The following ERCC6L2 variants were observed in gnomAD, a reference collection of about 807,000 sequenced individuals.
ERCC6L2 encodes DNA excision repair protein ERCC-6-like 2.
ERCC6L2 carries 77 observed loss-of-function variants against 132.0 expected under a neutral mutation model. That is an observed-to-expected ratio of 0.58 (90% CI 0.49 to 0.71). The LOEUF (loss-of-function observed/expected upper bound fraction) is 0.71, where lower values mean the gene tolerates loss of function less well. ERCC6L2 is among the 30% of genes least tolerant of loss of function. The pLI is 0.00. For synonymous variants in ERCC6L2, 583 were observed against 632.4 expected, an observed-to-expected ratio of 0.92 and a Z score of 1.17; for missense variants, 1,542 against 1,837.6, an observed-to-expected ratio of 0.84 and a Z score of 2.94.
chr9:96,015,876 C>A lies in ERCC6L2; in HGVS notation c.*2673C>A, dbSNP rs1834175860. ...AGAACTGGAGTTTAAAAATTAGTTT[C>A]CAACAGTTGTCAGTGAAATATTTAT... On this transcript the variant is annotated 3_prime_UTR_variant, in exon 19 of 19. Coordinates refer to ENST00000653738, the MANE Select transcript of ERCC6L2 (RefSeq NM_020207.7). 6.6e-6 allele frequency among the ~76,000 whole-genome samples: 1 copy of A among 152,122 alleles called. No individual in the cohort carries two copies. The highest frequency in any genetic ancestry group is 2.4e-5 in the African/African-American group (1 of 41,426).
In ERCC6L2 at chr9:95,966,572, G is replaced by T. The variant is rs1301338852; in HGVS notation, c.1958G>T (p.Cys653Phe). The T allele has an allele frequency of 2.0e-6, 3 of 1,502,484 alleles. No homozygotes were observed. Among genetic ancestry groups the T allele is most frequent in the Non-Finnish European group, 2.7e-6 (3 of 1,108,556 alleles). 93.1% of individuals were successfully genotyped at this position (1,502,484 alleles called of 1,614,324 possible). A position where few individuals can be genotyped will look rare whatever the true frequency, so the allele number is the denominator to read the frequency against. Residue 653 changes from cysteine (C) to phenylalanine (F), a missense_variant, in exon 14 of 19, where the codon TGT becomes TTT. By Grantham distance (205) the Cys-to-Phe change is radical. This residue lies in a region of ERCC6L2 where 945 missense variants were observed against 1,105.2 expected (regional missense o/e 0.86). Transcript: ENST00000653738. ...LRQIYKQQLH[C>F]VVVGSENAKR... ...TTTTTTCTGTTTTAGCAACTTCACT[G>T]TGTGGTGGTTGGAAGTGAAAATGCC...
At chr9:95,941,378 C>T in intron 11 of ERCC6L2, 76 bp from the exon 12 acceptor site, 1 of 1,054,114 alleles carries the variant, frequency 9.5e-7, no homozygotes, top group Non-Finnish European at 1.4e-6. Context: ...CTATAGAAAC[C>T]TGGCACAGTT....
chr9:95,985,626 A>C (rs549421549), intron 17 of ERCC6L2, among the ~76,000 whole-genome samples: 1 of 152,304 alleles, frequency 6.6e-6, no homozygotes, highest in African/African-American at 2.4e-5. Context: ...TAGCAATAAT[A>C]AATCTAGAGA....
Position 95,941,497 on chromosome 9 carries a change from G to A in ERCC6L2, c.1795G>A (p.Val599Ile). ...GLNFVGANVV[V>I]LFDPTWNPAN... ...CAATTTTGTCGGTGCCAATGTTGTT[G>A]TATTATTTGATCCTACTTGGAATCC... Residue 599 changes from valine to isoleucine, a missense_variant, in exon 12 of 19, where the codon GTA becomes ATA. Around this residue, in one of 4 missense-constraint regions of ERCC6L2, gnomAD observed 945 missense variants for 1,105.2 expected, o/e 0.86. Transcript: ENST00000653738. 1 of 1,612,240 alleles carries A rather than the reference G, an allele frequency of 6.2e-7. No individual in the cohort carries two copies. Among genetic ancestry groups the A allele is most frequent in the South Asian group, 1.1e-5 (1 of 91,028 alleles).
chr9:95,924,768 A>C lies in ERCC6L2; in HGVS notation c.1533+1389A>C, dbSNP rs779639148. ...TAGTGTCTGATTAAGAGAATGATTA[A>C]ATTTAATTTTATTTTAATTTTTAGG... On this transcript the variant is annotated intron_variant, in intron 9 of 18. Transcript: ENST00000653738. Among the ~76,000 whole-genome samples the C allele has an allele frequency of 5.3e-5, 8 of 152,156 alleles. 1 individual carries two copies. Among genetic ancestry groups the C allele is most frequent in the Non-Finnish European group, 1.2e-4 (8 of 68,030 alleles).
intron 4 of ERCC6L2, among the ~76,000 whole-genome samples, chr9:95,908,107 C>G (rs1159821643): frequency 6.6e-6 from 1 of 152,090 alleles, no homozygotes; most frequent in African/African-American, 2.4e-5. Context: ...GAGAGCCAAG[C>G]TGAATGGAGA....
intron 17 of ERCC6L2, among the ~76,000 whole-genome samples, chr9:95,980,832 A>G (rs1372958933): frequency 6.6e-6 from 1 of 152,166 alleles, no homozygotes; most frequent in Non-Finnish European, 1.5e-5. Context: ...AATTCCTGCA[A>G]ACTTCTTGAT....
Position 96,016,327 on chromosome 9 carries a change from A to C in ERCC6L2, c.*3124A>C, listed in dbSNP as rs1288267031. 6.6e-6 allele frequency among the ~76,000 whole-genome samples: 1 copy of C among 152,232 alleles called. No homozygotes were observed. Among genetic ancestry groups the C allele is most frequent in the Admixed American group, 6.5e-5 (1 of 15,286 alleles). On this transcript the variant is annotated 3_prime_UTR_variant, in exon 19 of 19. Transcript: ENST00000653738. ...TGTGGCTCCATGGAGCACTAATTTG[A>C]AAACCACAGAGATGAGATCATTTCT... is the stretch of plus-strand genomic sequence containing the variant.
intron 13 of ERCC6L2, among the ~76,000 whole-genome samples, chr9:95,956,472 A>G (rs1250264015): frequency 6.6e-6 from 1 of 152,204 alleles, no homozygotes; most frequent in African/African-American, 2.4e-5. Flanking sequence ...CTGGACAGCA[A>G]GAGTACCTAA....
At chr9:95,941,882 T>G (rs1361277526) in intron 12 of ERCC6L2, among the ~76,000 whole-genome samples, 1 of 152,178 alleles carries the variant, frequency 6.6e-6, no homozygotes, top group Non-Finnish European at 1.5e-5. Context: ...GAATCTGTGA[T>G]CAGGGTATCC....
rs753603569 is a variant in ERCC6L2, at chr9:96,004,699, C to T, written c.3672C>T (p.Arg1224=). The change falls in exon 18 of 19, where the codon CGC becomes CGT. Residue 1224 remains arginine, a splice_region_variant and synonymous_variant. Transcript: ENST00000653738. ...TTGGAGAAACACCAAAAGGAATCCG[C>T]AGGTATATTGTCTCTGACAATACTA... The part of the protein sequence containing the change: ...FIIGETPKGI[R]RKQFEEMASY... 240 of 1,337,556 alleles carry T rather than the reference C, an allele frequency of 1.8e-4. No homozygotes were observed. Among genetic ancestry groups the T allele is most frequent in the Non-Finnish European group, 2.2e-4 (224 of 1,005,134 alleles). 82.9% of individuals were successfully genotyped at this position (1,337,556 alleles called of 1,614,324 possible).
Position 95,877,547 on chromosome 9 carries a change from C to T in ERCC6L2, c.46+1463C>T, listed in dbSNP as rs370948809. Reference sequence around the variant, plus strand: ...TTGATAATTTGTAATAGGCCAGGCGCATGGCTCACACCTGTAATCCCAGTA... The same window carrying T: ...TTGATAATTTGTAATAGGCCAGGCGTATGGCTCACACCTGTAATCCCAGTA... On this transcript the variant is annotated intron_variant, in intron 1 of 18. Coordinates refer to ENST00000653738, the MANE Select transcript of ERCC6L2 (RefSeq NM_020207.7). Among the ~76,000 whole-genome samples the T allele has an allele frequency of 2.5e-4, 38 of 152,210 alleles. 1 individual carries two copies. The Middle Eastern group carries it at 0.014, about 54-fold the overall frequency.
Position 95,972,777 on chromosome 9 carries a change from C to G in ERCC6L2, c.3026C>G (p.Thr1009Ser). ...TTGAGGTTTAAGAGAATAAAAGAAA[C>G]CAAAAAAGAACTTCACAATTCTCCC... ...SSLRFKRIKETKKELHNSPKT... is the reference protein window; with the variant it reads ...SSLRFKRIKESKKELHNSPKT... Residue 1009 changes from threonine (T) to serine (S), a missense_variant, in exon 16 of 19, where the codon ACC becomes AGC. Around this residue, in one of 4 missense-constraint regions of ERCC6L2, gnomAD observed 945 missense variants for 1,105.2 expected, o/e 0.86. Transcript: ENST00000653738. 1 of 1,303,504 alleles carries G rather than the reference C, an allele frequency of 7.7e-7. No individual in the cohort carries two copies. The highest frequency in any genetic ancestry group is 1.0e-6 in the Non-Finnish European group (1 of 988,766). 80.7% of individuals were successfully genotyped at this position (1,303,504 alleles called of 1,614,324 possible).
chr9:95,921,024 C>G lies in ERCC6L2; in HGVS notation c.1159-151C>G, dbSNP rs1587909468. 11 of 629,136 alleles carry G rather than the reference C, an allele frequency of 1.7e-5. No individual in the cohort carries two copies. In the East Asian group the frequency reaches 3.4e-4, roughly 19 times the overall value. 39.0% of individuals were successfully genotyped at this position (629,136 alleles called of 1,614,324 possible). Reference sequence around the variant, plus strand: ...TCTCTTGACCTTGTGATCCGCCCTCCTTGGCTTCCCAAAGTATTGGGATTA... The same window carrying G: ...TCTCTTGACCTTGTGATCCGCCCTCGTTGGCTTCCCAAAGTATTGGGATTA... On this transcript the variant is annotated intron_variant, in intron 6 of 18. Coordinates refer to ENST00000653738, the MANE Select transcript of ERCC6L2 (RefSeq NM_020207.7).
At chr9:95,993,283 T>C (rs992125092) in intron 17 of ERCC6L2, among the ~76,000 whole-genome samples, 5 of 152,220 alleles carry the variant, frequency 3.3e-5, no homozygotes, top group African/African-American at 1.2e-4. Flanking sequence ...CTCAGACTGC[T>C]ATCTGGAAAG....
chr9:95,928,260 A>G (rs1830185818), intron 10 of ERCC6L2, 110 bp downstream of exon 10: 1 of 652,082 alleles, frequency 1.5e-6, no homozygotes, highest in Non-Finnish European at 2.6e-6. Context: ...TCTTATCTAC[A>G]CAGTAGGAAA....
chr9:95,998,160 A>G (rs1043400539), intron 17 of ERCC6L2, among the ~76,000 whole-genome samples: 6 of 151,790 alleles, frequency 4.0e-5, no homozygotes, highest in Non-Finnish European at 7.4e-5. Context: ...TTTTTGAAAA[A>G]CGTGTTCATG....
At chr9:95,927,719 C>G (rs1830162368) in intron 9 of ERCC6L2, among the ~76,000 whole-genome samples, 1 of 152,104 alleles carries the variant, frequency 6.6e-6, no homozygotes. Flanking sequence ...GAATGCTGCT[C>G]TATAATTTAG....
intron 12 of ERCC6L2, among the ~76,000 whole-genome samples, chr9:95,952,004 C>CT (rs1334029930): frequency 6.6e-6 from 1 of 151,556 alleles, no homozygotes; most frequent in African/African-American, 2.4e-5. Context: ...CCCGTCTCTA[C>CT]TAAAAATACA....
Sources: gnomAD v4.1 joint callset for allele counts (sites outside exome capture counted in the v4.1 genomes callset) on GRCh38, gnomAD v4.1.1 for gene constraint, gnomAD v4.1.1 regional missense constraint, MANE v1.5 for transcripts, NCBI Gene and HGNC (gene_info 2026-07-23, HGNC 2026-07-21) for gene names.